Variants in FARS2 observed in about 807,000 individuals in gnomAD.
FARS2 encodes phenylalanine--tRNA ligase, mitochondrial.
A neutral mutation model predicts 46.4 loss-of-function variants in FARS2; 40 were observed. The observed-to-expected ratio is 0.86, with a 90% confidence interval of 0.67 to 1.12. The LOEUF (loss-of-function observed/expected upper bound fraction) is 1.12, where lower values mean the gene tolerates loss of function less well. Ranked by LOEUF, FARS2 falls within the 50% of genes most tolerant of loss-of-function variation. The pLI, the probability that FARS2 is intolerant of heterozygous loss-of-function variation, is 0.00. For missense variants in FARS2, 513 were observed against 567.9 expected, an observed-to-expected ratio of 0.90 and a Z score of 0.98; for synonymous variants, 234 against 214.9, an observed-to-expected ratio of 1.09 and a Z score of -0.78.
chr6:5,399,464 T>G (rs946987827), intron 2 of FARS2, among the ~76,000 whole-genome samples: 3 of 152,028 alleles, frequency 2.0e-5, no homozygotes, highest in Non-Finnish European at 4.4e-5. Context: ...GTGTCAGGAT[T>G]TTATTTTTAA....
At chr6:5,328,493 A>T (rs1310150900) in intron 1 of FARS2, among the ~76,000 whole-genome samples, 3 of 152,192 alleles carry the variant, frequency 2.0e-5, no homozygotes, top group Non-Finnish European at 4.4e-5. Context: ...CAGAAGACGC[A>T]GGTTCTGGCT....
At chr6:5,391,418 G>A (rs760210975) in intron 2 of FARS2, among the ~76,000 whole-genome samples, 7 of 152,158 alleles carry the variant, frequency 4.6e-5, no homozygotes, top group Non-Finnish European at 8.8e-5. Context: ...GGTACTAAAC[G>A]GTGTGTAACT....
rs529429911 is a variant in FARS2, at chr6:5,563,885, G to A, written c.1065+18545G>A. On this transcript the variant is annotated intron_variant, in intron 5 of 6. Coordinates refer to ENST00000274680, the MANE Select transcript of FARS2 (RefSeq NM_006567.5). ...ATTGTAGCCCCTCAGGGCTGAGGCCGGCATTTTCCCTGAGCCTGTCAACAA... is the reference window on the plus strand; with the variant it reads ...ATTGTAGCCCCTCAGGGCTGAGGCCAGCATTTTCCCTGAGCCTGTCAACAA... Among the ~76,000 whole-genome samples the A allele has an allele frequency of 3.9e-5, 6 of 152,256 alleles. No homozygotes were observed. In the East Asian group the frequency reaches 9.6e-4, roughly 24 times the overall value.
intron 6 of FARS2, among the ~76,000 whole-genome samples, chr6:5,621,981 T>C (rs1208295800): frequency 2.0e-5 from 3 of 152,244 alleles, no homozygotes; most frequent in Non-Finnish European, 4.4e-5. Context: ...TGCAGTCTTT[T>C]CTAGCCAGTC....
intron 5 of FARS2, among the ~76,000 whole-genome samples, chr6:5,576,678 A>G (rs1561725463): frequency 6.7e-6 from 1 of 149,248 alleles, no homozygotes; most frequent in South Asian, 2.1e-4. Context: ...GAGAACCCTA[A>G]TACAGTAATT....
chr6:5,617,910 T>C (rs1775558442), intron 6 of FARS2, among the ~76,000 whole-genome samples: 1 of 152,206 alleles, frequency 6.6e-6, no homozygotes, highest in Non-Finnish European at 1.5e-5. Context: ...CTGGGAAATA[T>C]ACCTGAGGAA....
At chr6:5,577,772 CTTTTATTT>C (rs1261245042) in intron 5 of FARS2, among the ~76,000 whole-genome samples, 1 of 116,660 alleles carries the variant, frequency 8.6e-6, no homozygotes, top group Non-Finnish European at 1.9e-5. Context: ...GCCATTGTAT[CTTTTATTT>C]ATTTATTTAT....
rs184948668 is a variant in FARS2, at chr6:5,620,998, A to G, written c.1217+7678A>G. Among the ~76,000 whole-genome samples, 399 of 152,346 alleles carry G rather than the reference A, an allele frequency of 2.6e-3. 3 individuals carry two copies. The highest frequency in any genetic ancestry group is 0.014 in the Middle Eastern group (4 of 294). On this transcript the variant is annotated intron_variant, in intron 6 of 6. Coordinates refer to ENST00000274680, the MANE Select transcript of FARS2 (RefSeq NM_006567.5). ...CCACTTCTAGCCTTCCTTAAACTTCATGCAAAGAGATGTGCCATAAATACA... is the reference window on the plus strand; with the variant it reads ...CCACTTCTAGCCTTCCTTAAACTTCGTGCAAAGAGATGTGCCATAAATACA...
chr6:5,366,426 C>G (rs915023382), intron 1 of FARS2, among the ~76,000 whole-genome samples: 5 of 152,140 alleles, frequency 3.3e-5, no homozygotes, highest in African/African-American at 9.7e-5. Context: ...AGTGGGAAGG[C>G]TCTCCTAGTC....
chr6:5,681,730 G>T (rs1405233533), intron 6 of FARS2, among the ~76,000 whole-genome samples: 1 of 152,156 alleles, frequency 6.6e-6, no homozygotes, highest in Non-Finnish European at 1.5e-5. Flanking sequence ...AATAAAACAG[G>T]CTCTAGCAAG....
intron 1 of FARS2, among the ~76,000 whole-genome samples, chr6:5,305,094 A>G (rs1768602277): frequency 6.6e-6 from 1 of 152,160 alleles, no homozygotes. Flanking sequence ...TGGGTGCTGA[A>G]TGGAGTGCTT....
chr6:5,674,328 A>G (rs1778644181), intron 6 of FARS2, among the ~76,000 whole-genome samples: 1 of 152,042 alleles, frequency 6.6e-6, no homozygotes, highest in Non-Finnish European at 1.5e-5. Context: ...GCAACAGCCC[A>G]AACTGCCAAC....
At chr6:5,472,712 G>T (rs192696747) in intron 4 of FARS2, among the ~76,000 whole-genome samples, 72 of 152,150 alleles carry the variant, frequency 4.7e-4, no homozygotes, top group Middle Eastern at 3.4e-3. Context: ...CAATTATCTC[G>T]TAAGAGCTTA....
At chr6:5,566,360 G>A (rs528310683) in intron 5 of FARS2, among the ~76,000 whole-genome samples, 8 of 152,102 alleles carry the variant, frequency 5.3e-5, no homozygotes, top group African/African-American at 1.4e-4. Context: ...CTCACAATGC[G>A]AAGTAATTTC....
At position 5,390,277 on chromosome 6, in the gene FARS2, G is replaced by A. The variant is rs72815684; in HGVS notation, c.613-14265G>A. Among the ~76,000 whole-genome samples, 1,474 of 152,280 alleles carry A rather than the reference G, an allele frequency of 9.7e-3. 11 individuals are homozygous for A. Among genetic ancestry groups the A allele is most frequent in the Non-Finnish European group, 0.015 (1,043 of 68,016 alleles). On this transcript the variant is annotated intron_variant, in intron 2 of 6. Coordinates refer to ENST00000274680, the MANE Select transcript of FARS2 (RefSeq NM_006567.5). Reference sequence around the variant, plus strand: ...AAGGCCAGTTTCCAAGCCCATGCTTGGCCCCAGACACCTCAGGCAGGAACA... The same window carrying A: ...AAGGCCAGTTTCCAAGCCCATGCTTAGCCCCAGACACCTCAGGCAGGAACA...
chr6:5,573,915 T>A (rs906848434), intron 5 of FARS2, among the ~76,000 whole-genome samples: 2 of 152,154 alleles, frequency 1.3e-5, no homozygotes, highest in African/African-American at 4.8e-5. Context: ...AGTAGAACAT[T>A]TTCAGTTAAA....
chr6:5,297,379 G>A (rs1229881643), intron 1 of FARS2, among the ~76,000 whole-genome samples: 2 of 152,240 alleles, frequency 1.3e-5, no homozygotes, highest in Non-Finnish European at 2.9e-5. Flanking sequence ...CTGGCGCAGT[G>A]GCTCACGCCT....
intron 1 of FARS2, chr6:5,291,410 G>A (rs1438263350): frequency 6.6e-6 from 1 of 152,196 alleles, no homozygotes; most frequent in Non-Finnish European, 1.5e-5. Context: ...AGAGTTAGGC[G>A]GGAGGTGGGT....
chr6:5,626,616 G>A (rs1776045973), intron 6 of FARS2, among the ~76,000 whole-genome samples: 1 of 152,116 alleles, frequency 6.6e-6, no homozygotes, highest in South Asian at 2.1e-4. Context: ...TTCCCTCCAG[G>A]TAAACCCATG....
Sources: gnomAD v4.1 joint callset for allele counts (sites outside exome capture counted in the v4.1 genomes callset) on GRCh38, gnomAD v4.1.1 for gene constraint, MANE v1.5 for transcripts, NCBI Gene and HGNC (gene_info 2026-07-23, HGNC 2026-07-21) for gene names.